Variants in LRFN2 observed in about 807,000 individuals in gnomAD.
LRFN2 encodes leucine rich repeat and fibronectin type III domain containing 2, also known as leucine-rich repeat and fibronectin type-III domain-containing protein 2.
In LRFN2, 18 loss-of-function variants were observed where a neutral mutation model predicts 37.3. The ratio of observed to expected loss-of-function variants is 0.48; its 90% confidence interval spans 0.33 to 0.72. The LOEUF (loss-of-function observed/expected upper bound fraction) is 0.72, where lower values mean the gene tolerates loss of function less well. LRFN2 is among the 30% of genes least tolerant of loss of function. LRFN2 has a pLI of 0.02. For synonymous variants in LRFN2, 556 were observed against 466.6 expected, an observed-to-expected ratio of 1.19 and a Z score of -2.47; for missense variants, 1,006 against 1,060.7, an observed-to-expected ratio of 0.95 and a Z score of 0.72.
chr6:40,436,844 T>C (rs1401760704), intron 1 of LRFN2, among the ~76,000 whole-genome samples: 1 of 152,208 alleles, frequency 6.6e-6, no homozygotes, highest in Non-Finnish European at 1.5e-5. Context: ...CTGTGACTCA[T>C]TGTGGTCACA....
At chr6:40,407,347 T>C (rs1762868859) in intron 2 of LRFN2, among the ~76,000 whole-genome samples, 1 of 152,070 alleles carries the variant, frequency 6.6e-6, no homozygotes, top group Non-Finnish European at 1.5e-5. Flanking sequence ...AATCTCTCTT[T>C]GAAGGCTAGT....
chr6:40,438,067 T>C (rs1397534397), intron 1 of LRFN2, among the ~76,000 whole-genome samples: 1 of 152,138 alleles, frequency 6.6e-6, no homozygotes, highest in Non-Finnish European at 1.5e-5. Flanking sequence ...AATGTCAGAA[T>C]CAGCCTTCAT....
rs532945581 is a variant in LRFN2 at position 40,475,488 on chromosome 6, T to C, written c.-18-42357A>G. On this transcript the variant is annotated intron_variant, in intron 1 of 2. Transcript: ENST00000338305. Reference sequence around the variant, plus strand: ...CAGGGGCTGGTGGGGTGTCATGAGATGTGTGCTCAAGGGGTGCACAGACAG... The same window carrying C: ...CAGGGGCTGGTGGGGTGTCATGAGACGTGTGCTCAAGGGGTGCACAGACAG... Among the ~76,000 whole-genome samples, 24 of 152,220 alleles carry C rather than the reference T, an allele frequency of 1.6e-4. No individual in the cohort carries two copies. The East Asian group carries it at 4.4e-3, about 28-fold the overall frequency.
At chr6:40,576,569 T>C (rs897122719) in intron 1 of LRFN2, among the ~76,000 whole-genome samples, 11 of 152,192 alleles carry the variant, frequency 7.2e-5, no homozygotes, top group South Asian at 4.1e-4. Flanking sequence ...TCATGATCCA[T>C]TGCTCTCTCT....
intron 1 of LRFN2, among the ~76,000 whole-genome samples, chr6:40,500,249 G>C (rs957764809): frequency 6.6e-6 from 1 of 152,250 alleles, no homozygotes; most frequent in Non-Finnish European, 1.5e-5. Context: ...CTGTGTCCCA[G>C]GGGAAGGCCC....
At chr6:40,435,050 TATAGAGAGAGAGAG>T (rs1426593293) in intron 1 of LRFN2, among the ~76,000 whole-genome samples, 31 of 60,048 alleles carry the variant, frequency 5.2e-4, no homozygotes, top group African/African-American at 1.8e-3. Flanking sequence ...TATATATATA[TATAGAGAGAGAGAG>T]AGAGAGAGAG....
chr6:40,565,835 C>T (rs911628982), intron 1 of LRFN2, among the ~76,000 whole-genome samples: 140 of 151,864 alleles, frequency 9.2e-4, no homozygotes, highest in African/African-American at 3.1e-3. Flanking sequence ...GCAAGGACTT[C>T]ATGTCTAAAA....
chr6:40,436,597 C>G (rs1763682671), intron 1 of LRFN2, among the ~76,000 whole-genome samples: 1 of 152,118 alleles, frequency 6.6e-6, no homozygotes, highest in Non-Finnish European at 1.5e-5. Context: ...CACCTGCCCA[C>G]CCTGCCAGTC....
intron 1 of LRFN2, among the ~76,000 whole-genome samples, chr6:40,505,825 C>T (rs1159470237): frequency 6.6e-6 from 1 of 152,218 alleles, no homozygotes; most frequent in African/African-American, 2.4e-5. Flanking sequence ...CTGTGACTCC[C>T]CAGGATGGGT....
At chr6:40,564,198 T>A (rs1007163826) in intron 1 of LRFN2, among the ~76,000 whole-genome samples, 15 of 152,156 alleles carry the variant, frequency 9.9e-5, no homozygotes, top group African/African-American at 3.6e-4. Flanking sequence ...GTGAGCCAAC[T>A]CCAAGAGTGT....
intron 2 of LRFN2, among the ~76,000 whole-genome samples, chr6:40,401,006 C>A (rs189112269): frequency 2.0e-5 from 3 of 148,484 alleles, no homozygotes; most frequent in Admixed American, 1.3e-4. Context: ...CCCCACCTCC[C>A]CCAGAGGCTC....
intron 2 of LRFN2, among the ~76,000 whole-genome samples, chr6:40,416,255 C>T (rs369222352): frequency 5.3e-5 from 8 of 152,152 alleles, no homozygotes; most frequent in East Asian, 1.9e-4. Context: ...GTGATCTGCC[C>T]GCCTCAGCCT....
intron 1 of LRFN2, among the ~76,000 whole-genome samples, chr6:40,546,724 T>C (rs1485812177): frequency 1.3e-5 from 2 of 152,208 alleles, no homozygotes; most frequent in Non-Finnish European, 2.9e-5. Flanking sequence ...GTTCTCAGTG[T>C]TGTGTATATG....
At chr6:40,539,502 T>C (rs1766513423) in intron 1 of LRFN2, among the ~76,000 whole-genome samples, 1 of 152,216 alleles carries the variant, frequency 6.6e-6, no homozygotes, top group Non-Finnish European at 1.5e-5. Flanking sequence ...ATTCAATAAA[T>C]ATCTCTTGAG....
At chr6:40,584,041 G>C (rs1454708828) in intron 1 of LRFN2, among the ~76,000 whole-genome samples, 2 of 152,188 alleles carry the variant, frequency 1.3e-5, no homozygotes, top group Admixed American at 1.3e-4. Flanking sequence ...GGCCCCAGAG[G>C]TGAAATTTGC....
At chr6:40,530,189 T>G (rs1470438424) in intron 1 of LRFN2, among the ~76,000 whole-genome samples, 2 of 152,212 alleles carry the variant, frequency 1.3e-5, no homozygotes, top group African/African-American at 2.4e-5. Context: ...CATACAGGCC[T>G]GCTCGGGGAA....
intron 2 of LRFN2, among the ~76,000 whole-genome samples, chr6:40,421,225 T>A (rs898760713): frequency 8.5e-5 from 13 of 152,210 alleles, no homozygotes; most frequent in African/African-American, 2.7e-4. Flanking sequence ...TCTGGAATGC[T>A]TTGACAGAAT....
chr6:40,475,586 T>C (rs76601921), intron 1 of LRFN2, among the ~76,000 whole-genome samples: 3,659 of 152,264 alleles, frequency 0.024, 62 homozygotes, highest in Middle Eastern at 0.082. Flanking sequence ...TATGTTATGA[T>C]GTACATGGAA....
At chr6:40,441,930 A>T (rs1290131717) in intron 1 of LRFN2, among the ~76,000 whole-genome samples, 1 of 152,342 alleles carries the variant, frequency 6.6e-6, no homozygotes, top group East Asian at 1.9e-4. Context: ...CTTCTCACCC[A>T]GAGGGTGAAG....
Sources: allele counts gnomAD v4.1 joint callset (sites outside exome capture counted in the v4.1 genomes callset), GRCh38; gene constraint gnomAD v4.1.1; transcripts MANE v1.5; gene names NCBI Gene and HGNC (gene_info 2026-07-23, HGNC 2026-07-21).